VPS72: variants seen among roughly 807,000 people sequenced by gnomAD.
VPS72 encodes the protein vacuolar protein sorting 72 homolog.
A neutral mutation model predicts 38.9 loss-of-function variants in VPS72; 27 were observed. The observed-to-expected ratio is 0.69, with a 90% confidence interval of 0.51 to 0.96. The LOEUF is 0.96. VPS72 is among the 40% of genes least tolerant of loss of function. The probability of loss-of-function intolerance (pLI) is 0.00; values close to 1 mark genes in which losing one functional copy is unlikely to be tolerated. For missense variants in VPS72, 360 were observed against 479.5 expected (o/e 0.75, Z 2.33); for synonymous variants, 173 against 186.3 (o/e 0.93, Z 0.58).
intron 5 of VPS72, 167 bp from the exon 6 acceptor site, chr1:151,177,198 A>C (rs1300368539): frequency 3.1e-6 from 2 of 645,134 alleles, no homozygotes; most frequent in African/African-American, 1.8e-5. Context: ...CAGCCTGACT[A>C]ACAAGGTGAA....
intron 4 of VPS72, among the ~76,000 whole-genome samples, chr1:151,179,358 G>C (rs996686772): frequency 6.6e-6 from 1 of 152,184 alleles, no homozygotes; most frequent in African/African-American, 2.4e-5. Context: ...CCAGCACTTT[G>C]GGAGGCCAAG....
chr1:151,178,279 G>T, intron 4 of VPS72, 134 bp from the exon 5 acceptor site: 2 of 1,244,174 alleles, frequency 1.6e-6, no homozygotes, highest in Non-Finnish European at 2.2e-6. Flanking sequence ...AACTATGGAA[G>T]TCCCCTAAGG....
chr1:151,178,139 T>C lies in VPS72; in HGVS notation c.569A>G (p.Tyr190Cys). The change falls in exon 5 of 6, where the codon TAT (tyrosine) becomes TGT (cysteine). Residue 190 changes from tyrosine (Y) to cysteine (C), a missense_variant. Tyr to Cys is a radical substitution (Grantham distance 194, BLOSUM62 -2). Transcript: ENST00000368892. Reference protein sequence around the residue: ...EELNLRSLETYERLEADKKKQ... With the variant: ...EELNLRSLETCERLEADKKKQ... ...CTTTTTATCAGCCTCGAGCCGCTCA[T>C]ATGTCTCTTTAGGGTCAAAGGAAGA... is the stretch of plus-strand genomic sequence containing the variant. 1.2e-6 allele frequency: 2 copies of C among 1,613,780 alleles called. No individual in the cohort carries two copies. Among genetic ancestry groups the C allele is most frequent in the East Asian group, 2.2e-5 (1 of 44,874 alleles).
Position 151,184,428 on chromosome 1 carries a change from T to A in VPS72, c.451A>T (p.Arg151Trp). The A allele has an allele frequency of 6.2e-7, 1 of 1,614,048 alleles. No individual in the cohort carries two copies. Residue 151 changes from arginine (R) to tryptophan (W), a missense_variant, in exon 4 of 6, where the codon AGG becomes TGG. Coordinates refer to ENST00000368892, the MANE Select transcript of VPS72 (RefSeq NM_005997.3). The part of the protein sequence containing the change: ...TRQTFLRVQE[R>W]QGQSRRRKGP... ...TTTCGCCGTCTTGACTGGCCCTGCC[T>A]CTCCTGTACCCGAAGGAACGTTTGT... is the stretch of plus-strand genomic sequence containing the variant.
chr1:151,187,617 T>C (rs1487862451), intron 1 of VPS72, among the ~76,000 whole-genome samples: 1 of 152,238 alleles, frequency 6.6e-6, no homozygotes, highest in Non-Finnish European at 1.5e-5. Context: ...AAGAGAATGT[T>C]TGTATATCAT....
At position 151,177,021 on chromosome 1, in the gene VPS72, C is replaced by A; in HGVS notation, c.718G>T (p.Ala240Ser). Residue 240 changes from alanine to serine, a missense_variant, in exon 6 of 6, where the codon GCT (alanine) becomes TCT (serine). By Grantham distance (99) the Ala-to-Ser change is moderately conservative. Transcript: ENST00000368892. ...ENVDIEGLDPAPSVSALTPHA... is the reference protein window; with the variant it reads ...ENVDIEGLDPSPSVSALTPHA... ...GGAGTCAATGCAGACACCGAGGGAG[C>A]AGGATCAAGTCTGAGGACAAAAGAC... 1 of 1,564,210 alleles carries A rather than the reference C, an allele frequency of 6.4e-7. No individual in the cohort carries two copies. Among genetic ancestry groups the A allele is most frequent in the Non-Finnish European group, 8.7e-7 (1 of 1,153,804 alleles).
chr1:151,183,421 C>CAAAAAAAAAAA (rs769884773), intron 4 of VPS72, among the ~76,000 whole-genome samples: 1 of 50,860 alleles, frequency 2.0e-5, no homozygotes, highest in Non-Finnish European at 3.4e-5. Context: ...GACTCTGTCT[C>CAAAAAAAAAAA]AAAAAAAAAA....
In VPS72 at chr1:151,176,966, G is replaced by T. The variant is rs1684120120; in HGVS notation, c.773C>A (p.Pro258His). Residue 258 changes from proline (P) to histidine (H), a missense_variant, in exon 6 of 6, where the codon CCT becomes CAT. Pro to His is a moderately conservative substitution (Grantham distance 77). This residue lies in a region of VPS72 where 294 missense variants were observed against 356.3 expected (regional missense o/e 0.83). Transcript: ENST00000368892. ...PHAGTGPVNP[P>H]ARCSRTFITF... Reference sequence around the variant, plus strand: ...GATGAAGGTACGTGAGCAGCGAGCAGGGGGGTTGACGGGTCCAGTCCCAGC... The same window carrying T: ...GATGAAGGTACGTGAGCAGCGAGCATGGGGGTTGACGGGTCCAGTCCCAGC... 1.2e-6 allele frequency: 2 copies of T among 1,608,392 alleles called. No homozygotes were observed. Among genetic ancestry groups the T allele is most frequent in the South Asian group, 1.1e-5 (1 of 90,526 alleles).
intron 5 of VPS72, among the ~76,000 whole-genome samples, chr1:151,177,676 C>T (rs929911931): frequency 1.3e-5 from 2 of 151,732 alleles, no homozygotes; most frequent in African/African-American, 2.4e-5. Context: ...GGCAACACAG[C>T]GAAACCGTCT....
intron 5 of VPS72, 45 bp from the exon 6 acceptor site, chr1:151,177,076 A>C: frequency 6.7e-7 from 1 of 1,503,742 alleles, no homozygotes; most frequent in Non-Finnish European, 8.9e-7. Flanking sequence ...TGAGGAGAGA[A>C]GACAACAGAT....
intron 1 of VPS72, among the ~76,000 whole-genome samples, chr1:151,188,528 C>G (rs1684398894): frequency 6.6e-6 from 1 of 152,212 alleles, no homozygotes; most frequent in Admixed American, 6.5e-5. Flanking sequence ...TCACAAGGCC[C>G]TAAAGGATCT....
intron 1 of VPS72, among the ~76,000 whole-genome samples, chr1:151,187,150 A>C (rs1684369806): frequency 6.6e-6 from 1 of 152,184 alleles, no homozygotes; most frequent in South Asian, 2.1e-4. Context: ...GAGAACGTGA[A>C]GTACAGCCTA....
chr1:151,186,664 T>G (rs1180936639), intron 1 of VPS72, among the ~76,000 whole-genome samples: 1 of 151,890 alleles, frequency 6.6e-6, no homozygotes, highest in East Asian at 1.9e-4. Flanking sequence ...GCAGATGAAA[T>G]AGCAGAAACA....
chr1:151,181,295 C>T (rs587662286), intron 4 of VPS72, among the ~76,000 whole-genome samples: 11 of 148,082 alleles, frequency 7.4e-5, no homozygotes, highest in Admixed American at 6.8e-5. Context: ...TGGAGTGTAG[C>T]GACACGATCT....
chr1:151,182,123 G>A (rs1294516020), intron 4 of VPS72, among the ~76,000 whole-genome samples: 1 of 152,154 alleles, frequency 6.6e-6, no homozygotes, highest in Non-Finnish European at 1.5e-5. Flanking sequence ...CGCCTCCCGG[G>A]TTCAAGTGAT....
At position 151,190,031 on chromosome 1, in the gene VPS72, G is replaced by A; in HGVS notation, c.91C>T (p.Gln31Ter). ...TCTGTGAAACCCCCATAAGTCGTCT[G>A]GTAGAACTCATCTTCCTCCTCTGCC... Reference protein sequence around the residue: ...LEAEEEDEFYQTTYGGFTEES... With the variant: ...LEAEEEDEFY Residue 31 changes from glutamine (Q) to a stop codon, truncating the protein, a stop_gained, in exon 1 of 6, where the codon CAG (glutamine) becomes TAG (stop). Coordinates refer to ENST00000368892, the MANE Select transcript of VPS72 (RefSeq NM_005997.3). LOFTEE classifies it high-confidence loss of function. 17 of 1,614,044 alleles carry A rather than the reference G, an allele frequency of 1.1e-5. No individual in the cohort carries two copies. Among genetic ancestry groups the A allele is most frequent in the Non-Finnish European group, 1.4e-5 (17 of 1,179,992 alleles).
chr1:151,179,877 G>A (rs1012308244), intron 4 of VPS72, among the ~76,000 whole-genome samples: 9 of 151,880 alleles, frequency 5.9e-5, no homozygotes, highest in African/African-American at 1.9e-4. Flanking sequence ...GGAAACAAGA[G>A]TGAAACTCCA....
chr1:151,183,713 T>C lies in VPS72; in HGVS notation c.562+604A>G, dbSNP rs189618697. On this transcript the variant is annotated intron_variant, in intron 4 of 5. Transcript: ENST00000368892. ...CCAACTGCAAGTGATCCACCCACCT[T>C]GGCCTCCCAAAGTGCCGGGATTACA... Among the ~76,000 whole-genome samples, 36 of 152,136 alleles carry C rather than the reference T, an allele frequency of 2.4e-4. No individual in the cohort carries two copies. The East Asian group carries it at 6.8e-3, about 29-fold the overall frequency.
At chr1:151,182,197 T>C (rs1684256073) in intron 4 of VPS72, among the ~76,000 whole-genome samples, 1 of 152,062 alleles carries the variant, frequency 6.6e-6, no homozygotes, top group South Asian at 2.1e-4. Context: ...TCAGCTAATA[T>C]TTTGTATTTT....
Sources: gnomAD v4.1 joint callset for allele counts (sites outside exome capture counted in the v4.1 genomes callset) on GRCh38, gnomAD v4.1.1 for gene constraint, gnomAD v4.1.1 regional missense constraint, MANE v1.5 for transcripts, NCBI Gene and HGNC (gene_info 2026-07-23, HGNC 2026-07-21) for gene names.